Variants in GRM5 observed in about 807,000 individuals in gnomAD.
The protein encoded by GRM5 is glutamate metabotropic receptor 5.
In GRM5, 19 loss-of-function variants were observed where a neutral mutation model predicts 83.1. That is an observed-to-expected ratio of 0.23 (90% confidence interval 0.16 to 0.34). GRM5 has a LOEUF of 0.34. Among genes scored for constraint, GRM5 ranks in the 10% least tolerant of loss-of-function variants. GRM5 has a pLI of 1.00. For synonymous variants in GRM5, 675 were observed against 633.6 expected (o/e 1.07, Z -0.98); for missense variants, 1,160 against 1,588.3 (o/e 0.73, Z 4.58).
At chr11:88,637,535 C>T (rs1452118365) in intron 4 of GRM5, among the ~76,000 whole-genome samples, 7 of 151,536 alleles carry the variant, frequency 4.6e-5, no homozygotes, top group African/African-American at 1.2e-4. Flanking sequence ...ATTTATGCAG[C>T]CAAAAAACAC....
chr11:89,037,991 C>T (rs1328539457), intron 2 of GRM5, among the ~76,000 whole-genome samples: 1 of 151,922 alleles, frequency 6.6e-6, no homozygotes, highest in East Asian at 1.9e-4. Context: ...TGATGTAATA[C>T]ATGTTGATAT....
intron 9 of GRM5, among the ~76,000 whole-genome samples, chr11:88,515,002 C>T (rs1380470022): frequency 1.3e-5 from 2 of 152,066 alleles, no homozygotes; most frequent in African/African-American, 4.8e-5. Context: ...GGCATTTAAT[C>T]CCTAATAAAT....
chr11:88,713,297 T>C (rs777381386), intron 3 of GRM5, among the ~76,000 whole-genome samples: 6 of 152,102 alleles, frequency 3.9e-5, no homozygotes, highest in Non-Finnish European at 4.4e-5. Flanking sequence ...AGTGCAGATA[T>C]AGAGTAAGAA....
intron 3 of GRM5, among the ~76,000 whole-genome samples, chr11:88,674,716 T>G (rs1218958307): frequency 6.6e-6 from 1 of 151,858 alleles, no homozygotes; most frequent in Admixed American, 6.6e-5. Flanking sequence ...GGGAAGCTAT[T>G]TTTTTCCCTT....
At chr11:88,860,801 T>G (rs547901988) in intron 2 of GRM5, among the ~76,000 whole-genome samples, 1 of 152,280 alleles carries the variant, frequency 6.6e-6, no homozygotes, top group South Asian at 2.1e-4. Flanking sequence ...GCACTGTCAT[T>G]GTTGCCAAAT....
At chr11:88,764,089 G>T (rs189163482) in intron 3 of GRM5, among the ~76,000 whole-genome samples, 2 of 151,720 alleles carry the variant, frequency 1.3e-5, no homozygotes, top group African/African-American at 4.8e-5. Context: ...TTAGAAAAAA[G>T]AGACTTTAAA....
At chr11:88,879,249 C>T (rs1944910282) in intron 2 of GRM5, among the ~76,000 whole-genome samples, 1 of 151,844 alleles carries the variant, frequency 6.6e-6, no homozygotes, top group Non-Finnish European at 1.5e-5. Flanking sequence ...TAACATTTTC[C>T]TCTCTTAAAA....
intron 2 of GRM5, among the ~76,000 whole-genome samples, chr11:89,020,598 TA>T (rs1235652290): frequency 6.6e-6 from 1 of 152,172 alleles, no homozygotes; most frequent in Non-Finnish European, 1.5e-5. Context: ...GTAGTCCACT[TA>T]AAAAACTCCA....
chr11:88,800,221 TC>T (rs1234179204), intron 3 of GRM5, among the ~76,000 whole-genome samples: 1 of 152,136 alleles, frequency 6.6e-6, no homozygotes. Context: ...CCAAAGTTGC[TC>T]TAAAAATTAG....
At chr11:88,888,012 C>T (rs866435253) in intron 2 of GRM5, among the ~76,000 whole-genome samples, 1 of 152,124 alleles carries the variant, frequency 6.6e-6, no homozygotes, top group South Asian at 2.1e-4. Context: ...ACCGGGGCCA[C>T]CTCCAACCAT....
At chr11:88,697,265 A>G (rs1193373947) in intron 3 of GRM5, among the ~76,000 whole-genome samples, 1 of 152,210 alleles carries the variant, frequency 6.6e-6, no homozygotes, top group Non-Finnish European at 1.5e-5. Context: ...AGCAGCTGAC[A>G]GAAGGCAGTT....
In GRM5 at chr11:88,601,312, C is replaced by T. The variant is rs147933529; in HGVS notation, c.1394+3406G>A. Among the ~76,000 whole-genome samples the T allele has an allele frequency of 3.4e-4, 51 of 152,194 alleles. No individual in the cohort carries two copies. The East Asian group carries it at 8.1e-3, about 24-fold the overall frequency. ...TCTGCCATTTCTACTATTCTAGCCT[C>T]GTATTTTCTATTTACCGCATCTGTT... On this transcript the variant is annotated intron_variant, in intron 5 of 9. Transcript: ENST00000305447.
At chr11:88,939,889 A>G (rs1938030928) in intron 2 of GRM5, among the ~76,000 whole-genome samples, 1 of 151,840 alleles carries the variant, frequency 6.6e-6, no homozygotes, top group East Asian at 1.9e-4. Context: ...AGAAGTGAGA[A>G]GCAGCAGACC....
At chr11:88,558,009 T>C (rs774977383) in intron 8 of GRM5, among the ~76,000 whole-genome samples, 2 of 152,124 alleles carry the variant, frequency 1.3e-5, no homozygotes, top group Non-Finnish European at 2.9e-5. Flanking sequence ...CTTCATACTC[T>C]AAAACATTGC....
chr11:89,023,957 G>C (rs1423406800), intron 2 of GRM5, among the ~76,000 whole-genome samples: 2 of 151,982 alleles, frequency 1.3e-5, no homozygotes, highest in Non-Finnish European at 2.9e-5. Flanking sequence ...CAGGCACAGT[G>C]GCTCATGCCT....
At chr11:89,016,786 G>A (rs1940867862) in intron 2 of GRM5, among the ~76,000 whole-genome samples, 1 of 152,162 alleles carries the variant, frequency 6.6e-6, no homozygotes, top group African/African-American at 2.4e-5. Flanking sequence ...TGCATACTAA[G>A]GTCTACCTCT....
At chr11:88,908,928 C>G (rs1447166570) in intron 2 of GRM5, among the ~76,000 whole-genome samples, 1 of 152,080 alleles carries the variant, frequency 6.6e-6, no homozygotes, top group African/African-American at 2.4e-5. Context: ...TTCTAGCATT[C>G]TTAGTTGCCT....
chr11:88,987,240 G>A (rs184028269), intron 2 of GRM5, among the ~76,000 whole-genome samples: 1 of 152,242 alleles, frequency 6.6e-6, no homozygotes, highest in Non-Finnish European at 1.5e-5. Flanking sequence ...GTCAAAGAAA[G>A]GGGTGACCCA....
intron 3 of GRM5, among the ~76,000 whole-genome samples, chr11:88,795,896 A>T (rs1409397571): frequency 1.3e-5 from 2 of 152,194 alleles, no homozygotes; most frequent in Non-Finnish European, 2.9e-5. Flanking sequence ...GACATTTTAG[A>T]AGCTTTCTTG....
Sources: allele counts gnomAD v4.1 joint callset (sites outside exome capture counted in the v4.1 genomes callset), GRCh38; gene constraint gnomAD v4.1.1; transcripts MANE v1.5; gene names NCBI Gene and HGNC (gene_info 2026-07-23, HGNC 2026-07-21).